ALDH1A2: variants seen among roughly 807,000 people sequenced by gnomAD.
ALDH1A2 encodes retinal dehydrogenase 2.
Under a neutral mutation model 60.3 loss-of-function variants are expected in ALDH1A2, and 27 were observed. That is an observed-to-expected ratio of 0.45 (90% confidence interval 0.33 to 0.62). The LOEUF (loss-of-function observed/expected upper bound fraction) is 0.62. Ranked by LOEUF, ALDH1A2 falls within the 20% of genes least tolerant of loss-of-function variation. ALDH1A2 has a pLI of 0.02. For missense variants in ALDH1A2, 581 were observed against 643.8 expected (o/e 0.90, Z 1.06); for synonymous variants, 289 against 232.4 (o/e 1.24, Z -2.21).
chr15:58,035,400 C>A (rs1896352988), intron 1 of ALDH1A2, among the ~76,000 whole-genome samples: 1 of 151,520 alleles, frequency 6.6e-6, no homozygotes, highest in South Asian at 2.1e-4. Context: ...AAGAACCAGT[C>A]TACAGTTTTA....
At chr15:58,040,409 A>G (rs1896487748) in intron 1 of ALDH1A2, among the ~76,000 whole-genome samples, 1 of 151,974 alleles carries the variant, frequency 6.6e-6, no homozygotes, top group African/African-American at 2.4e-5. Flanking sequence ...CCCAAAGTAC[A>G]TGGATAACAC....
chr15:57,974,450 A>AAAAG (rs1566933980), intron 7 of ALDH1A2, among the ~76,000 whole-genome samples: 6 of 150,868 alleles, frequency 4.0e-5, no homozygotes, highest in South Asian at 2.1e-4. Context: ...AAAAAAAAAA[A>AAAAG]AAAGAAAGAA....
At chr15:58,029,755 A>T (rs1171902578) in intron 1 of ALDH1A2, among the ~76,000 whole-genome samples, 1 of 152,176 alleles carries the variant, frequency 6.6e-6, no homozygotes, top group Non-Finnish European at 1.5e-5. Flanking sequence ...GAATACTATA[A>T]ACACCTCTAT....
Position 57,963,931 on chromosome 15 carries a change from C to T in ALDH1A2, c.1040G>A (p.Arg347His), listed in dbSNP as rs141245344. Residue 347 changes from arginine to histidine, a missense_variant, in exon 9 of 13, where the codon CGC (arginine) becomes CAC (histidine). Physicochemically the swap from Arg to His is conservative, Grantham distance 29. This residue lies in a region of ALDH1A2 where 375 missense variants were observed against 469.7 expected (regional missense o/e 0.80). Transcript: ENST00000249750. ...GGGGTCAAAGGGACTCCCCACTACG[C>T]GCCTCTTGGCCCGCTCCACGCTTCT... is the stretch of plus-strand genomic sequence containing the variant. ...VRRSVERAKR[R>H]VVGSPFDPTT... 1.4e-5 allele frequency: 23 copies of T among 1,614,142 alleles called. No homozygotes were observed. Among genetic ancestry groups the T allele is most frequent in the Admixed American group, 3.3e-5 (2 of 60,034 alleles).
chr15:57,961,136 C>CCAAA lies in ALDH1A2; in HGVS notation c.1406_1409dup (p.Trp470CysfsTer39), dbSNP rs1488431801. On this transcript the variant is annotated frameshift_variant and splice_region_variant. Transcript: ENST00000249750. LOFTEE classifies it high-confidence loss of function. ...TGTTACAAGACTGACTCTGATCTTA[C>CCAAA]CAAACAGTCCCAGCTTGCATTGCAG... 6.2e-7 allele frequency: 1 copy of CCAAA among 1,613,876 alleles called. No individual in the cohort carries two copies. Among genetic ancestry groups the CCAAA allele is most frequent in the African/African-American group, 1.3e-5 (1 of 74,914 alleles).
chr15:57,994,463 G>A lies in ALDH1A2; in HGVS notation c.555+615C>T, dbSNP rs150651243. Among the ~76,000 whole-genome samples the A allele has an allele frequency of 8.3e-4, 127 of 152,228 alleles. 1 individual carries two copies. Among genetic ancestry groups the A allele is most frequent in the Admixed American group, 2.7e-3 (42 of 15,278 alleles). On this transcript the variant is annotated intron_variant, in intron 5 of 12. Transcript: ENST00000249750. ...ATTAGCTAGTACTGTTAAAAGCTATGGTCATGTTTTGTATTGTACCAAGGG... is the reference window on the plus strand; with the variant it reads ...ATTAGCTAGTACTGTTAAAAGCTATAGTCATGTTTTGTATTGTACCAAGGG...
At chr15:57,968,512 G>T (rs1893964700) in intron 7 of ALDH1A2, among the ~76,000 whole-genome samples, 1 of 152,106 alleles carries the variant, frequency 6.6e-6, no homozygotes, top group African/African-American at 2.4e-5. Context: ...TACATTTACT[G>T]AGCACTAATG....
intron 1 of ALDH1A2, among the ~76,000 whole-genome samples, chr15:58,058,467 TCAA>T (rs768645320): frequency 0.021 from 2,695 of 127,428 alleles, 54 homozygotes; most frequent in African/African-American, 0.051. Context: ...GAAATGATAT[TCAA>T]AAAAAAAAAA....
At chr15:57,957,783 A>G (rs1477748106) in intron 12 of ALDH1A2, among the ~76,000 whole-genome samples, 3 of 152,150 alleles carry the variant, frequency 2.0e-5, no homozygotes, top group Admixed American at 6.5e-5. Context: ...TGCTCATAAA[A>G]CAAGTAAGAG....
rs114229501 is a variant in ALDH1A2, at chr15:57,965,845, G to A, written c.799-18C>T. On this transcript the variant is annotated intron_variant, in intron 7 of 12. Transcript: ENST00000249750. ...TTTCCAACCTGAAAGAAGGGAAATG[G>A]AGACAGGTTTTGCAAATCCTGCAGG... 1.2e-6 allele frequency: 2 copies of A among 1,608,464 alleles called. No homozygotes were observed. Among genetic ancestry groups the A allele is most frequent in the South Asian group, 1.1e-5 (1 of 90,946 alleles).
intron 1 of ALDH1A2, among the ~76,000 whole-genome samples, chr15:58,049,053 T>G (rs1896708190): frequency 1.3e-5 from 2 of 152,078 alleles, no homozygotes; most frequent in African/African-American, 4.8e-5. Context: ...TTTCTAGAAT[T>G]TCATATGAAT....
At chr15:57,974,448 A>G (rs1462856516) in intron 7 of ALDH1A2, among the ~76,000 whole-genome samples, 5 of 150,706 alleles carry the variant, frequency 3.3e-5, no homozygotes, top group African/African-American at 1.2e-4. Flanking sequence ...AAAAAAAAAA[A>G]AAAAAGAAAG....
Position 58,065,698 on chromosome 15 carries a change from T to C in ALDH1A2, c.-48A>G. The C allele has an allele frequency of 7.3e-7, 1 of 1,363,732 alleles. No homozygotes were observed. Among genetic ancestry groups the C allele is most frequent in the Non-Finnish European group, 9.9e-7 (1 of 1,011,560 alleles). 84.5% of individuals were successfully genotyped at this position (1,363,732 alleles called of 1,614,324 possible). A position where few individuals can be genotyped will look rare whatever the true frequency, so the allele number is the denominator to read the frequency against. ...GCCCGCGGCGTGGGGCAGTGCGGGC[T>C]GTGCGCGCGGTCCGCGGCCCGGGGG... On this transcript the variant is annotated 5_prime_UTR_variant, in exon 1 of 13. Transcript: ENST00000249750.
Position 57,958,442 on chromosome 15 carries a change from G to A in ALDH1A2, c.1484+2328C>T, listed in dbSNP as rs35385694. On this transcript the variant is annotated intron_variant, in intron 12 of 12. Coordinates refer to ENST00000249750, the MANE Select transcript of ALDH1A2 (RefSeq NM_003888.4). ...AAAGTGAAACAGGCAGAAATAGGTG[G>A]GCAGGAGGACCTGAGAAAAGCTCGT... 1.7e-4 allele frequency among the ~76,000 whole-genome samples: 26 copies of A among 152,284 alleles called. No individual in the cohort carries two copies. The East Asian group carries it at 4.4e-3, about 26-fold the overall frequency.
At chr15:58,003,567 CA>C (rs1228340146) in intron 4 of ALDH1A2, among the ~76,000 whole-genome samples, 1 of 151,804 alleles carries the variant, frequency 6.6e-6, no homozygotes, top group African/African-American at 2.4e-5. Context: ...AAAACATGGA[CA>C]TTTTTTTCTG....
intron 12 of ALDH1A2, among the ~76,000 whole-genome samples, chr15:57,956,106 G>A (rs139711297): frequency 6.6e-6 from 1 of 152,188 alleles, no homozygotes; most frequent in Non-Finnish European, 1.5e-5. Flanking sequence ...TCCCTACTGA[G>A]TTGTATCCTA....
chr15:57,982,890 T>G (rs1232862532), intron 7 of ALDH1A2, among the ~76,000 whole-genome samples: 1 of 152,204 alleles, frequency 6.6e-6, no homozygotes, highest in Non-Finnish European at 1.5e-5. Context: ...TCACTGAGCA[T>G]GTCATGTTCA....
At chr15:57,975,534 T>C (rs1261920969) in intron 7 of ALDH1A2, among the ~76,000 whole-genome samples, 2 of 152,240 alleles carry the variant, frequency 1.3e-5, no homozygotes, top group African/African-American at 4.8e-5. Flanking sequence ...CCAATGAGCC[T>C]TTCCTTTGAG....
At chr15:58,039,225 T>G (rs1161573844) in intron 1 of ALDH1A2, among the ~76,000 whole-genome samples, 1 of 151,702 alleles carries the variant, frequency 6.6e-6, no homozygotes, top group Non-Finnish European at 1.5e-5. Context: ...AGCAAGAACC[T>G]GGAATCCCTG....
Sources: gnomAD v4.1 joint callset for allele counts (sites outside exome capture counted in the v4.1 genomes callset) on GRCh38, gnomAD v4.1.1 for gene constraint, gnomAD v4.1.1 regional missense constraint, MANE v1.5 for transcripts, NCBI Gene and HGNC (gene_info 2026-07-23, HGNC 2026-07-21) for gene names.